The following MIA2 variants were observed in gnomAD, a reference collection of about 807,000 sequenced individuals.
MIA2 encodes MIA SH3 domain ER export factor 2, also known as melanoma inhibitory activity protein 2.
A neutral mutation model predicts 167.8 loss-of-function variants in MIA2; 127 were observed. That is an observed-to-expected ratio of 0.76 (90% CI 0.66 to 0.88). The LOEUF (loss-of-function observed/expected upper bound fraction) is 0.88. MIA2 is among the 40% of genes least tolerant of loss of function. The pLI is 0.00. For missense variants in MIA2, 1,690 were observed against 1,624.7 expected, an observed-to-expected ratio of 1.04 and a Z score of -0.69; for synonymous variants, 552 against 541.9, an observed-to-expected ratio of 1.02 and a Z score of -0.26.
At chr14:39,294,416 T>C (rs2152836626) in intron 12 of MIA2, among the ~76,000 whole-genome samples, 1 of 152,252 alleles carries the variant, frequency 6.6e-6, no homozygotes, top group South Asian at 2.1e-4. Flanking sequence ...CAGGCTGGTC[T>C]TGAACTCCTG....
At chr14:39,352,320 G>A (rs1452536914), downstream of MIA2, among the ~76,000 whole-genome samples, 1 of 150,252 alleles carries the variant, frequency 6.7e-6, no homozygotes, top group African/African-American at 2.5e-5. Flanking sequence ...TTGCTTCTCT[G>A]TTCCATGTGA....
At chr14:39,285,121 G>A (rs1456198330) in intron 9 of MIA2, among the ~76,000 whole-genome samples, 1 of 152,176 alleles carries the variant, frequency 6.6e-6, no homozygotes, top group Non-Finnish European at 1.5e-5. Flanking sequence ...TCTTAGTACA[G>A]AACAAAATGA....
intron 25 of MIA2, among the ~76,000 whole-genome samples, chr14:39,328,139 T>C (rs575491657): frequency 6.6e-6 from 1 of 152,368 alleles, no homozygotes; most frequent in South Asian, 2.1e-4. Flanking sequence ...TGTAGTTTCC[T>C]GACTTTTTAA....
chr14:39,318,077 T>G, intron 22 of MIA2, 66 bp downstream of exon 22: 1 of 1,205,690 alleles, frequency 8.3e-7, no homozygotes, highest in South Asian at 1.4e-5. Context: ...GGTAATACTT[T>G]TATAAGGTTA....
chr14:39,348,563 A>G (rs947163874), intron 27 of MIA2, among the ~76,000 whole-genome samples, 180 bp from the exon 28 acceptor site: 6 of 152,190 alleles, frequency 3.9e-5, no homozygotes, highest in Non-Finnish European at 8.8e-5. Flanking sequence ...AATATTTATG[A>G]TAACTAAAAT....
intron 10 of MIA2, among the ~76,000 whole-genome samples, chr14:39,292,868 G>T (rs77796883): frequency 0.01 from 1,571 of 151,990 alleles, 26 homozygotes; most frequent in African/African-American, 0.035. Flanking sequence ...GCCTTTAATT[G>T]TATTAAATTG....
chr14:39,367,723 A>G (rs992595323), intron 23 of MIA2, among the ~76,000 whole-genome samples: 1 of 152,120 alleles, frequency 6.6e-6, no homozygotes. Flanking sequence ...GATTATCTAC[A>G]TGCTATTTTG....
At chr14:39,346,099 G>A (rs1225061304) in intron 26 of MIA2, 73 bp downstream of exon 26, 2 of 1,299,582 alleles carry the variant, frequency 1.5e-6, no homozygotes, top group African/African-American at 3.0e-5. Flanking sequence ...TTAGAATAAA[G>A]ACCAATATAA....
At chr14:39,386,162 G>T in intron 23 of MIA2, 2 of 1,360,424 alleles carry the variant, frequency 1.5e-6, no homozygotes, top group Non-Finnish European at 2.1e-6. Context: ...GGAAGATGTT[G>T]TTCCAGAGGT....
chr14:39,354,207 C>A (rs144900195), downstream of MIA2, among the ~76,000 whole-genome samples: 274 of 152,324 alleles, frequency 1.8e-3, 1 homozygote, highest in African/African-American at 6.1e-3. Flanking sequence ...CCTGTTTCTC[C>A]ACAACCTTTC....
chr14:39,383,729 T>C (rs10146106), intron 23 of MIA2, among the ~76,000 whole-genome samples: 11,059 of 152,240 alleles, frequency 0.073, 485 homozygotes, highest in South Asian at 0.17. Context: ...AATGGCCTTA[T>C]TGTTGATATG....
intron 19 of MIA2, among the ~76,000 whole-genome samples, chr14:39,314,473 G>A (rs907356022): frequency 6.6e-6 from 1 of 151,056 alleles, no homozygotes; most frequent in Non-Finnish European, 1.5e-5. Context: ...AATATACCAC[G>A]TAAATATTTA....
chr14:39,279,115 C>T (rs563845011), intron 7 of MIA2, among the ~76,000 whole-genome samples: 2 of 142,240 alleles, frequency 1.4e-5, no homozygotes, highest in African/African-American at 5.3e-5. Flanking sequence ...GAGCTGAGAT[C>T]GCGTCATTGC....
At chr14:39,296,516 C>T (rs1048720070) in intron 13 of MIA2, among the ~76,000 whole-genome samples, 3 of 151,566 alleles carry the variant, frequency 2.0e-5, no homozygotes, top group South Asian at 2.1e-4. Flanking sequence ...CTCTTGACCT[C>T]GTGATCCACC....
intron 3 of MIA2, among the ~76,000 whole-genome samples, chr14:39,244,286 C>T (rs184480552): frequency 3.2e-4 from 48 of 152,264 alleles, no homozygotes; most frequent in Admixed American, 2.9e-3. Flanking sequence ...TATGACTAGC[C>T]TCAGGGGAAA....
At chr14:39,268,884 A>G (rs866878289) in intron 6 of MIA2, 11 of 438,856 alleles carry the variant, frequency 2.5e-5, no homozygotes, top group Non-Finnish European at 3.3e-5. Flanking sequence ...TGGCTGTGGT[A>G]ACTTATTCAT....
intron 25 of MIA2, among the ~76,000 whole-genome samples, chr14:39,334,535 T>A (rs1434582511): frequency 6.6e-6 from 1 of 150,968 alleles, no homozygotes; most frequent in African/African-American, 2.4e-5. Context: ...ATGTTGTGTT[T>A]CAGTTAACGA....
intron 9 of MIA2, among the ~76,000 whole-genome samples, chr14:39,289,099 T>C (rs1454687837): frequency 6.6e-6 from 1 of 152,192 alleles, no homozygotes; most frequent in South Asian, 2.1e-4. Context: ...AGCCATCTCT[T>C]CCTGGGCTTT....
At chr14:39,302,368 CTG>C (rs2062663204) in intron 15 of MIA2, 119 bp downstream of exon 15, 1 of 1,098,638 alleles carries the variant, frequency 9.1e-7, no homozygotes, top group Admixed American at 2.1e-5. Context: ...TTCTGTCTGT[CTG>C]TGACACACTG....
Sources: allele counts gnomAD v4.1 joint callset (sites outside exome capture counted in the v4.1 genomes callset), GRCh38; gene constraint gnomAD v4.1.1; transcripts MANE v1.5; gene names NCBI Gene and HGNC (gene_info 2026-07-23, HGNC 2026-07-21).